The following PCDHGB1 variants were observed in gnomAD, a reference collection of about 807,000 sequenced individuals.
PCDHGB1 encodes protocadherin gamma subfamily B, 1.
In PCDHGB1, 34 loss-of-function variants were observed where a neutral mutation model predicts 56.6. The observed-to-expected ratio is 0.60, with a 90% CI of 0.46 to 0.80. The LOEUF (loss-of-function observed/expected upper bound fraction) is 0.80. Among genes scored for constraint, PCDHGB1 ranks in the 30% least tolerant of loss-of-function variants. The pLI is 0.00. For missense variants in PCDHGB1, 1,278 were observed against 1,204.6 expected (o/e 1.06, Z -0.90); for synonymous variants, 561 against 505.9 (o/e 1.11, Z -1.46).
At chr5:141,435,050 C>A (rs2154556494) in intron 1 of PCDHGB1, among the ~76,000 whole-genome samples, 1 of 151,994 alleles carries the variant, frequency 6.6e-6, no homozygotes, top group East Asian at 1.9e-4. Flanking sequence ...TCCCATTGAC[C>A]ATGCAGCAGT....
rs946798767 is a variant in PCDHGB1, at chr5:141,438,591, CATATATATAT to C, written c.2410-56180_2410-56171del. On this transcript the variant is annotated intron_variant, in intron 1 of 3. Transcript: ENST00000523390. The stretch of plus-strand genomic sequence containing the variant: ...TCTGATATACATACATACATACATA[CATATATATAT>C]ATATATATATATATATATATATATA... Among the ~76,000 whole-genome samples, 12 of 75,572 alleles carry C rather than the reference CATATATATAT, an allele frequency of 1.6e-4. No individual in the cohort carries two copies. The East Asian group carries it at 1.7e-3, about 11-fold the overall frequency. The allele number at this position is 75,572 out of a possible 152,430, so 49.6% of individuals were successfully genotyped here.
intron 1 of PCDHGB1, chr5:141,398,713 C>G (rs772426523): frequency 6.2e-7 from 1 of 1,613,828 alleles, no homozygotes; most frequent in Non-Finnish European, 8.5e-7. Context: ...GGAACTGGCA[C>G]TGGAGAAAAC....
rs758172625 is a variant in PCDHGB1 at position 141,365,486 on chromosome 5, A to G, written c.2409+12817A>G. The G allele has an allele frequency of 3.7e-6, 6 of 1,613,992 alleles. No individual in the cohort carries two copies. The East Asian group carries it at 8.9e-5, about 24-fold the overall frequency. On this transcript the variant is annotated intron_variant, in intron 1 of 3. Coordinates refer to ENST00000523390, the MANE Select transcript of PCDHGB1 (RefSeq NM_018922.3). ...AGAAAATGGTGAGATTGCATGCTCT[A>G]TTCCTAGGAATTTGCCTTTTAAATT...
chr5:141,415,745 T>C, intron 1 of PCDHGB1: 1 of 517,922 alleles, frequency 1.9e-6, no homozygotes, highest in Non-Finnish European at 2.4e-6. Context: ...TTAAGGTTTT[T>C]TTTTTTTTTT....
At position 141,382,780 on chromosome 5, in the gene PCDHGB1, A is replaced by T. The variant is rs1050419701; in HGVS notation, c.2409+30111A>T. On this transcript the variant is annotated intron_variant, in intron 1 of 3. Coordinates refer to ENST00000523390, the MANE Select transcript of PCDHGB1 (RefSeq NM_018922.3). ...CCCTCTTCCAGGCTGCACTAAACTC[A>T]AGCCTCTATCCTGCTGGATTCTGAG... is the stretch of plus-strand genomic sequence containing the variant. 8.4e-6 allele frequency: 7 copies of T among 836,240 alleles called. No homozygotes were observed. The African/African-American group carries it at 1.2e-4, about 14-fold the overall frequency. 51.8% of individuals were successfully genotyped at this position (836,240 alleles called of 1,614,324 possible).
chr5:141,479,277 TC>T (rs2099491823), intron 1 of PCDHGB1: 1 of 152,362 alleles, frequency 6.6e-6, no homozygotes, highest in African/African-American at 2.4e-5. Flanking sequence ...ATAATTTATT[TC>T]AAAAATAAAT....
chr5:141,403,490 C>T, intron 1 of PCDHGB1: 1 of 1,614,044 alleles, frequency 6.2e-7, no homozygotes, highest in South Asian at 1.1e-5. Flanking sequence ...CCACTTCTCC[C>T]TGAACGTGCA....
chr5:141,437,388 C>T (rs1434464979), intron 1 of PCDHGB1, among the ~76,000 whole-genome samples: 1 of 152,186 alleles, frequency 6.6e-6, no homozygotes, highest in Non-Finnish European at 1.5e-5. Context: ...AGACATTCAT[C>T]CACTGCTTTC....
At chr5:141,415,157 C>T in intron 1 of PCDHGB1, 1 of 1,613,864 alleles carries the variant, frequency 6.2e-7, no homozygotes, top group Non-Finnish European at 8.5e-7. Flanking sequence ...CTCTCCGCCA[C>T]TGTCACGCTC....
chr5:141,404,919 C>T, intron 1 of PCDHGB1: 1 of 1,613,924 alleles, frequency 6.2e-7, no homozygotes, highest in Non-Finnish European at 8.5e-7. Context: ...CCTCTCTCGG[C>T]CACTGTCACG....
intron 1 of PCDHGB1, chr5:141,359,974 G>A: frequency 1.4e-5 from 10 of 717,304 alleles, no homozygotes; most frequent in Non-Finnish European, 2.0e-5. Context: ...GCGTTTGGGA[G>A]CCTCTTAGAG....
chr5:141,466,401 T>A (rs2099122186), intron 1 of PCDHGB1, among the ~76,000 whole-genome samples: 1 of 152,210 alleles, frequency 6.6e-6, no homozygotes, highest in Non-Finnish European at 1.5e-5. Flanking sequence ...TTTGCTCAAC[T>A]TTAATTTTTC....
Position 141,374,382 on chromosome 5 carries a change from C to T in PCDHGB1, c.2409+21713C>T, listed in dbSNP as rs975173370. On this transcript the variant is annotated intron_variant, in intron 1 of 3. Coordinates refer to ENST00000523390, the MANE Select transcript of PCDHGB1 (RefSeq NM_018922.3). ...CGCGAGGAGCTCTGTGCTCAGAGCC[C>T]GCGGTGTCTGGTGAGTTTTAACATC... is the stretch of plus-strand genomic sequence containing the variant. 3.7e-6 allele frequency: 6 copies of T among 1,613,888 alleles called. No individual in the cohort carries two copies. The African/African-American group carries it at 6.7e-5, about 18-fold the overall frequency.
chr5:141,467,055 CTTTT>C (rs1193465269), intron 1 of PCDHGB1, among the ~76,000 whole-genome samples: 5 of 134,484 alleles, frequency 3.7e-5, no homozygotes, highest in Non-Finnish European at 4.9e-5. Context: ...TCAATGTTTT[CTTTT>C]TTTTTTTTTT....
At position 141,493,482 on chromosome 5, in the gene PCDHGB1, G is replaced by A. The variant is rs184736387; in HGVS notation, c.2410-1325G>A. ...TTTTAGGACCTTACATGTGGGGAAA[G>A]TCTTCTGTGGCTCCTCATTTCTGAG... On this transcript the variant is annotated intron_variant, in intron 1 of 3. Coordinates refer to ENST00000523390, the MANE Select transcript of PCDHGB1 (RefSeq NM_018922.3). This position sits in a 1 kb window ranked among gnomAD's most constrained non-coding sequence, Gnocchi z 4.3. Among the ~76,000 whole-genome samples the A allele has an allele frequency of 1.5e-3, 229 of 152,324 alleles. No homozygotes were observed. Among genetic ancestry groups the A allele is most frequent in the Non-Finnish European group, 2.2e-3 (147 of 68,030 alleles).
intron 1 of PCDHGB1, among the ~76,000 whole-genome samples, chr5:141,456,985 A>C (rs2098902590): frequency 6.6e-6 from 1 of 152,204 alleles, no homozygotes; most frequent in Non-Finnish European, 1.5e-5. Context: ...ACAAACAAAC[A>C]AACAAAAACT....
At chr5:141,356,532 C>T (rs1367713554) in intron 1 of PCDHGB1, 2 of 1,613,786 alleles carry the variant, frequency 1.2e-6, no homozygotes, top group South Asian at 2.2e-5. Flanking sequence ...AAGTGATGGA[C>T]ATCAATGACA....
intron 1 of PCDHGB1, chr5:141,375,207 AC>A (rs775034160): frequency 9.3e-6 from 15 of 1,613,778 alleles, no homozygotes; most frequent in Non-Finnish European, 1.2e-5. Context: ...TTCGATCGAG[AC>A]TCTGGCCTGA....
chr5:141,477,747 C>A lies in PCDHGB1; in HGVS notation c.2410-17060C>A. ...ACAGCTCATATCAGCGATGGGGGCA[C>A]CCCGGTCCTAGCCACCAACATCAGC... On this transcript the variant is annotated intron_variant, in intron 1 of 3. Coordinates refer to ENST00000523390, the MANE Select transcript of PCDHGB1 (RefSeq NM_018922.3). The surrounding 1 kb of genome is among the most constrained non-coding windows in gnomAD (Gnocchi z 4.9). 1.9e-6 allele frequency: 3 copies of A among 1,613,840 alleles called. No individual in the cohort carries two copies. The highest frequency in any genetic ancestry group is 2.5e-6 in the Non-Finnish European group (3 of 1,180,044).
Sources: gnomAD v4.1 joint callset for allele counts (sites outside exome capture counted in the v4.1 genomes callset) on GRCh38, gnomAD v4.1.1 for gene constraint, Gnocchi (gnomAD v3.1) non-coding constraint, MANE v1.5 for transcripts, NCBI Gene and HGNC (gene_info 2026-07-23, HGNC 2026-07-21) for gene names.